Variants in PLPPR1 observed in about 807,000 individuals in gnomAD.
The protein encoded by PLPPR1 is phospholipid phosphatase-related protein type 1.
In PLPPR1, 10 loss-of-function variants were observed where a neutral mutation model predicts 33.1. The ratio of observed to expected loss-of-function variants is 0.30; its 90% CI spans 0.19 to 0.51. PLPPR1 has a LOEUF of 0.51. PLPPR1 is among the 20% of genes least tolerant of loss of function. The pLI, the probability that PLPPR1 is intolerant of heterozygous loss-of-function variation, is 0.97. For missense variants in PLPPR1, 304 were observed against 408.1 expected (o/e 0.74, Z 2.20); for synonymous variants, 151 against 151.0 (o/e 1.00, Z 0.00).
intron 1 of PLPPR1, among the ~76,000 whole-genome samples, chr9:101,058,383 T>G (rs1159916173): frequency 6.6e-6 from 1 of 152,030 alleles, no homozygotes; most frequent in African/African-American, 2.4e-5. Context: ...GGTGGGGTTG[T>G]TTGCAGGTCC....
At chr9:101,069,173 T>A (rs1830454775) in intron 1 of PLPPR1, among the ~76,000 whole-genome samples, 1 of 151,796 alleles carries the variant, frequency 6.6e-6, no homozygotes, top group African/African-American at 2.4e-5. Flanking sequence ...AAAACTCATA[T>A]TAAAATCTAC....
At chr9:101,081,531 C>T (rs968071055) in intron 1 of PLPPR1, among the ~76,000 whole-genome samples, 1 of 152,118 alleles carries the variant, frequency 6.6e-6, no homozygotes. Flanking sequence ...ATCAGAAATG[C>T]CTTCCAATCT....
intron 4 of PLPPR1, among the ~76,000 whole-genome samples, chr9:101,303,406 A>G (rs977433264): frequency 6.6e-6 from 1 of 152,044 alleles, no homozygotes; most frequent in Non-Finnish European, 1.5e-5. Flanking sequence ...GGTTCAAGTG[A>G]TTCTCCTGTC....
At position 101,164,139 on chromosome 9, in the gene PLPPR1, G is replaced by T. The variant is rs1408212850; in HGVS notation, c.-45-21311G>T. On this transcript the variant is annotated intron_variant, in intron 1 of 7. Coordinates refer to ENST00000374874, the MANE Select transcript of PLPPR1 (RefSeq NM_207299.2). ...CTTTTTTTTAAATTATTTTTACAGA[G>T]AAGAAGTTGATGTGGTGACTAAGTG... Among the ~76,000 whole-genome samples, 6 of 152,046 alleles carry T rather than the reference G, an allele frequency of 3.9e-5. No individual in the cohort carries two copies. The East Asian group carries it at 1.2e-3, about 29-fold the overall frequency.
chr9:101,277,625 G>A (rs1371174317), intron 3 of PLPPR1, among the ~76,000 whole-genome samples: 4 of 152,194 alleles, frequency 2.6e-5, no homozygotes, highest in African/African-American at 9.7e-5. Flanking sequence ...AGCTAAAAAA[G>A]CACCTTAGGG....
chr9:101,153,137 C>A (rs1458145944), intron 1 of PLPPR1, among the ~76,000 whole-genome samples: 3 of 152,108 alleles, frequency 2.0e-5, no homozygotes, highest in Non-Finnish European at 4.4e-5. Flanking sequence ...TTGGATTCCT[C>A]AGTAGTTTAT....
chr9:101,131,900 A>G (rs916607401), intron 1 of PLPPR1, among the ~76,000 whole-genome samples: 2 of 152,148 alleles, frequency 1.3e-5, no homozygotes, highest in Admixed American at 6.6e-5. Flanking sequence ...TGGTTTCCCT[A>G]TCTGTGAAAT....
chr9:101,074,126 G>A (rs911964249), intron 1 of PLPPR1, among the ~76,000 whole-genome samples: 2 of 152,072 alleles, frequency 1.3e-5, no homozygotes, highest in Non-Finnish European at 2.9e-5. Flanking sequence ...GTCCTAGGGG[G>A]TATACCGATG....
At chr9:101,314,765 T>G (rs868641181) in intron 6 of PLPPR1, among the ~76,000 whole-genome samples, 1 of 145,772 alleles carries the variant, frequency 6.9e-6, no homozygotes, top group Non-Finnish European at 1.5e-5. Flanking sequence ...AAAAAAAAAA[T>G]ATCTGCAACA....
chr9:101,073,564 AATTG>A (rs1830504840), intron 1 of PLPPR1, among the ~76,000 whole-genome samples: 1 of 151,956 alleles, frequency 6.6e-6, no homozygotes, highest in African/African-American at 2.4e-5. Context: ...TTGGTGGAGA[AATTG>A]ATTGTAGAAC....
At chr9:101,254,236 C>A (rs993109356) in intron 2 of PLPPR1, among the ~76,000 whole-genome samples, 2 of 151,950 alleles carry the variant, frequency 1.3e-5, no homozygotes, top group Non-Finnish European at 2.9e-5. Context: ...AGTGGGAGCT[C>A]TTAGCTTGTT....
At chr9:101,093,065 G>A (rs745806119) in intron 1 of PLPPR1, among the ~76,000 whole-genome samples, 1 of 152,260 alleles carries the variant, frequency 6.6e-6, no homozygotes, top group Non-Finnish European at 1.5e-5. Flanking sequence ...CGAGCCTATG[G>A]TCTTTTATTA....
intron 1 of PLPPR1, among the ~76,000 whole-genome samples, chr9:101,131,075 G>A (rs777283888): frequency 6.6e-6 from 1 of 152,056 alleles, no homozygotes; most frequent in Non-Finnish European, 1.5e-5. Flanking sequence ...GTGCTTAATG[G>A]CCTCTACTTC....
chr9:101,049,688 G>C (rs1181015256), intron 1 of PLPPR1, among the ~76,000 whole-genome samples: 5 of 152,130 alleles, frequency 3.3e-5, no homozygotes, highest in Admixed American at 3.3e-4. Flanking sequence ...CATTCTTAAT[G>C]ACTATGGTAT....
chr9:101,174,729 T>C (rs77223437), intron 1 of PLPPR1, among the ~76,000 whole-genome samples: 2,690 of 152,260 alleles, frequency 0.018, 84 homozygotes, highest in African/African-American at 0.062. Context: ...AGGAAAGAAA[T>C]TATGTAGAAA....
intron 1 of PLPPR1, among the ~76,000 whole-genome samples, chr9:101,161,342 C>T (rs930879879): frequency 1.3e-5 from 2 of 152,158 alleles, no homozygotes; most frequent in African/African-American, 4.8e-5. Context: ...GGGTATCTAT[C>T]TCTCTACAAA....
At chr9:101,229,849 T>A (rs941589114) in intron 2 of PLPPR1, among the ~76,000 whole-genome samples, 1 of 152,164 alleles carries the variant, frequency 6.6e-6, no homozygotes, top group African/African-American at 2.4e-5. Flanking sequence ...GCAATTTGAC[T>A]ATTGCCTTCT....
chr9:101,044,626 T>C (rs1209471153), intron 1 of PLPPR1, among the ~76,000 whole-genome samples: 1 of 152,188 alleles, frequency 6.6e-6, no homozygotes, highest in African/African-American at 2.4e-5. Flanking sequence ...GCACCATCAT[T>C]TTATAGAAAA....
intron 1 of PLPPR1, among the ~76,000 whole-genome samples, chr9:101,156,557 A>G (rs1185828313): frequency 7.6e-6 from 1 of 132,118 alleles, no homozygotes; most frequent in African/African-American, 2.6e-5. Context: ...GTCTCCAAAA[A>G]AAAAAAAAAA....
Sources: gnomAD v4.1 joint callset for allele counts (sites outside exome capture counted in the v4.1 genomes callset) on GRCh38, gnomAD v4.1.1 for gene constraint, MANE v1.5 for transcripts, NCBI Gene and HGNC (gene_info 2026-07-23, HGNC 2026-07-21) for gene names.